Variants in PUM1 observed in about 807,000 individuals in gnomAD.
PUM1 encodes pumilio RNA binding family member 1, also known as pumilio homolog 1.
PUM1 carries 13 observed loss-of-function variants against 131.8 expected under a neutral mutation model. That is an observed-to-expected ratio of 0.10 (90% CI 0.06 to 0.16). The LOEUF (loss-of-function observed/expected upper bound fraction) is 0.16, where lower values mean the gene tolerates loss of function less well. Among genes scored for constraint, PUM1 ranks in the 10% least tolerant of loss-of-function variants. PUM1 has a pLI of 1.00. For missense variants in PUM1, 961 were observed against 1,512.4 expected, an observed-to-expected ratio of 0.64 and a Z score of 6.05; for synonymous variants, 509 against 556.5, an observed-to-expected ratio of 0.91 and a Z score of 1.20.
At chr1:30,969,316 CAAAAAA>C (rs763999971) in intron 10 of PUM1, among the ~76,000 whole-genome samples, 3 of 51,180 alleles carry the variant, frequency 5.9e-5, no homozygotes, top group African/African-American at 1.5e-4. Flanking sequence ...AACACACACA[CAAAAAA>C]AAAAAAAAAA....
intron 17 of PUM1, 22 bp from the exon 18 acceptor site, chr1:30,945,505 C>T (rs1395049101): frequency 1.2e-6 from 2 of 1,613,478 alleles, no homozygotes; most frequent in Admixed American, 3.3e-5. Context: ...AAAGAAAGCA[C>T]CACCAGAATC....
chr1:30,955,876 T>A (rs74065542), intron 14 of PUM1, among the ~76,000 whole-genome samples: 1 of 152,236 alleles, frequency 6.6e-6, no homozygotes, highest in Non-Finnish European at 1.5e-5. Flanking sequence ...AATATTTACT[T>A]AGTATTTGTC....
chr1:31,046,440 T>G (rs1274098907), intron 2 of PUM1, among the ~76,000 whole-genome samples: 3 of 150,966 alleles, frequency 2.0e-5, no homozygotes, highest in African/African-American at 7.3e-5. Flanking sequence ...ACAAAAAACA[T>G]GAAGCGCATT....
At chr1:30,966,429 T>C in intron 12 of PUM1, 151 bp from the exon 13 acceptor site, 1 of 721,020 alleles carries the variant, frequency 1.4e-6, no homozygotes, top group Non-Finnish European at 2.2e-6. Flanking sequence ...TCCCTTCATA[T>C]GAAGCTTCTA....
In PUM1 at chr1:30,994,336, T is replaced by TA. The variant is rs539790685; in HGVS notation, c.887+717dup. ...CTACCTGTACTATCACACTGGAGATTAAAAAAAAATCCTCTACCTGTATAT... is the reference window on the plus strand; with the variant it reads ...CTACCTGTACTATCACACTGGAGATTAAAAAAAAAATCCTCTACCTGTATAT... On this transcript the variant is annotated intron_variant, in intron 6 of 21. Transcript: ENST00000426105. 5.9e-5 allele frequency among the ~76,000 whole-genome samples: 9 copies of TA among 151,514 alleles called. 1 individual carries two copies. The South Asian group carries it at 1.0e-3, about 18-fold the overall frequency.
intron 2 of PUM1, among the ~76,000 whole-genome samples, chr1:31,046,204 AG>A (rs1461398790): frequency 6.6e-6 from 1 of 151,840 alleles, no homozygotes; most frequent in African/African-American, 2.4e-5. Flanking sequence ...CTCACCAAGA[AG>A]GAGAAATCCC....
chr1:31,057,457 G>C (rs1441852431), intron 2 of PUM1, among the ~76,000 whole-genome samples: 2 of 150,518 alleles, frequency 1.3e-5, no homozygotes, highest in African/African-American at 4.9e-5. Context: ...GGGCATGGTG[G>C]CTCACACCCG....
intron 18 of PUM1, among the ~76,000 whole-genome samples, chr1:30,944,020 C>A (rs898193418): frequency 6.6e-6 from 1 of 152,166 alleles, no homozygotes; most frequent in African/African-American, 2.4e-5. Context: ...ACCGTCGCAT[C>A]TTGAAAATAT....
intron 3 of PUM1, among the ~76,000 whole-genome samples, chr1:31,013,480 C>T (rs545086486): frequency 6.6e-6 from 1 of 152,196 alleles, no homozygotes; most frequent in South Asian, 2.1e-4. Flanking sequence ...TACAACCCTG[C>T]AGACGTGATC....
Position 30,966,292 on chromosome 1 carries a change from A to G in PUM1, c.1790-14T>C, listed in dbSNP as rs368169671. On this transcript the variant is annotated splice_polypyrimidine_tract_variant and intron_variant, in intron 12 of 21. Coordinates refer to ENST00000426105, the MANE Select transcript of PUM1 (RefSeq NM_001020658.2). ...CTGCTGCAACAGCTATGAAGAAGAA[A>G]GCAAACCGTTTGGCTATGAAAGGGA... 1 of 1,563,428 alleles carries G rather than the reference A, an allele frequency of 6.4e-7. No homozygotes were observed. The highest frequency in any genetic ancestry group is 1.4e-5 in the African/African-American group (1 of 73,464).
At position 31,059,286 on chromosome 1, in the gene PUM1, C is replaced by A; in HGVS notation, c.281G>T (p.Gly94Val). The A allele has an allele frequency of 3.7e-6, 6 of 1,614,136 alleles. No individual in the cohort carries two copies. Among genetic ancestry groups the A allele is most frequent in the Non-Finnish European group, 5.1e-6 (6 of 1,180,028 alleles). Residue 94 changes from glycine (G) to valine (V), a missense_variant, in exon 2 of 22, where the codon GGG (glycine) becomes GTG (valine). By Grantham distance (109) the Gly-to-Val change is moderately radical (BLOSUM62 -3). Transcript: ENST00000426105. Reference protein sequence around the residue: ...FFQRQHGEQLGGGGSGGGGYN... With the variant: ...FFQRQHGEQLVGGGSGGGGYN... ...GCCGCCTCCTCCACTTCCTCCTCCC[C>A]CAAGCTGCTCACCATGCTGCCTCTG... is the stretch of plus-strand genomic sequence containing the variant.
chr1:30,939,402 C>G (rs1439925096), intron 20 of PUM1, among the ~76,000 whole-genome samples: 4 of 152,238 alleles, frequency 2.6e-5, no homozygotes, highest in Non-Finnish European at 5.9e-5. Flanking sequence ...CCCCCGAACC[C>G]CTTCCGGCTC....
intron 9 of PUM1, among the ~76,000 whole-genome samples, chr1:30,978,522 T>A (rs952148094): frequency 2.0e-5 from 3 of 152,208 alleles, no homozygotes; most frequent in South Asian, 2.1e-4. Context: ...AACAATTTTT[T>A]AAAAAATCTA....
At chr1:31,005,606 T>A (rs1642370745) in intron 5 of PUM1, among the ~76,000 whole-genome samples, 1 of 152,186 alleles carries the variant, frequency 6.6e-6, no homozygotes, top group African/African-American at 2.4e-5. Flanking sequence ...AGTTCTTATC[T>A]CACAATACTA....
At chr1:31,018,549 T>C (rs1388409395) in intron 3 of PUM1, among the ~76,000 whole-genome samples, 2 of 151,956 alleles carry the variant, frequency 1.3e-5, no homozygotes, top group African/African-American at 2.4e-5. Flanking sequence ...TCCCTGCTAC[T>C]TGGGAGGCTG....
chr1:31,001,054 G>A (rs1021407898), intron 5 of PUM1, among the ~76,000 whole-genome samples: 2 of 152,176 alleles, frequency 1.3e-5, no homozygotes, highest in East Asian at 3.9e-4. Flanking sequence ...GGGCATGGTG[G>A]TGGGCGCCTG....
intron 2 of PUM1, among the ~76,000 whole-genome samples, chr1:31,038,834 T>C (rs1174734785): frequency 6.6e-6 from 1 of 151,318 alleles, no homozygotes; most frequent in African/African-American, 2.4e-5. Context: ...GGGCACAGAT[T>C]TGTTAACAAA....
At chr1:30,943,918 T>C (rs1216078904) in intron 18 of PUM1, among the ~76,000 whole-genome samples, 1 of 152,230 alleles carries the variant, frequency 6.6e-6, no homozygotes, top group East Asian at 1.9e-4. Context: ...CTATGAAATG[T>C]CAACTTGTGT....
chr1:30,937,170 G>A (rs1484433798), intron 20 of PUM1, among the ~76,000 whole-genome samples: 3 of 151,986 alleles, frequency 2.0e-5, no homozygotes, highest in East Asian at 3.9e-4. Context: ...CATGGGACCC[G>A]GCCCTCTAAC....
Sources: allele counts gnomAD v4.1 joint callset (sites outside exome capture counted in the v4.1 genomes callset), GRCh38; gene constraint gnomAD v4.1.1; transcripts MANE v1.5; gene names NCBI Gene and HGNC (gene_info 2026-07-23, HGNC 2026-07-21).